CNTNAP5: variants seen among roughly 807,000 people sequenced by gnomAD.
The protein encoded by CNTNAP5 is contactin associated protein family member 5, also known as contactin-associated protein-like 5.
In CNTNAP5, 72 loss-of-function variants were observed where a neutral mutation model predicts 150.2. The ratio of observed to expected loss-of-function variants is 0.48; its 90% CI spans 0.40 to 0.58. The LOEUF (loss-of-function observed/expected upper bound fraction) is 0.58. Among genes scored for constraint, CNTNAP5 ranks in the 20% least tolerant of loss-of-function variants. CNTNAP5 has a pLI of 0.00. For synonymous variants in CNTNAP5, 672 were observed against 619.8 expected, an observed-to-expected ratio of 1.08 and a Z score of -1.25; for missense variants, 1,636 against 1,626.2, an observed-to-expected ratio of 1.01 and a Z score of -0.10.
chr2:124,464,914 T>C (rs917625673), intron 6 of CNTNAP5, among the ~76,000 whole-genome samples: 5 of 152,176 alleles, frequency 3.3e-5, no homozygotes, highest in African/African-American at 7.2e-5. Context: ...ATCCTTTTTT[T>C]ATACCTGTTT....
At chr2:124,091,302 T>G (rs1682807580) in intron 1 of CNTNAP5, among the ~76,000 whole-genome samples, 1 of 152,086 alleles carries the variant, frequency 6.6e-6, no homozygotes, top group African/African-American at 2.4e-5. Flanking sequence ...AGGCCTGAAT[T>G]TAGTTAACTA....
At chr2:124,448,176 G>A (rs1344309237) in intron 6 of CNTNAP5, among the ~76,000 whole-genome samples, 1 of 151,974 alleles carries the variant, frequency 6.6e-6, no homozygotes, top group Non-Finnish European at 1.5e-5. Context: ...GCTGAGGCAG[G>A]AGAATTGCTT....
chr2:124,831,483 G>A (rs1682715372), intron 19 of CNTNAP5, among the ~76,000 whole-genome samples: 2 of 151,198 alleles, frequency 1.3e-5, no homozygotes, highest in African/African-American at 4.8e-5. Flanking sequence ...TCAAAATGAT[G>A]CATTTTTATG....
intron 3 of CNTNAP5, among the ~76,000 whole-genome samples, chr2:124,249,831 C>G (rs1369595274): frequency 2.6e-5 from 4 of 152,052 alleles, no homozygotes; most frequent in Non-Finnish European, 2.9e-5. Context: ...ACTTTAACAT[C>G]CAGCAAAGTA....
intron 6 of CNTNAP5, among the ~76,000 whole-genome samples, chr2:124,448,664 G>A (rs1031595445): frequency 1.3e-5 from 2 of 152,152 alleles, no homozygotes; most frequent in African/African-American, 4.8e-5. Context: ...TTTATGATGT[G>A]TGAGTTAAGA....
chr2:124,326,474 G>GA (rs1166350360), intron 3 of CNTNAP5, among the ~76,000 whole-genome samples: 7 of 151,932 alleles, frequency 4.6e-5, no homozygotes, highest in Non-Finnish European at 8.8e-5. Flanking sequence ...GCTTGACAGA[G>GA]AAAAAAACAA....
intron 1 of CNTNAP5, among the ~76,000 whole-genome samples, chr2:124,199,678 G>T (rs1445319264): frequency 1.3e-5 from 2 of 152,030 alleles, no homozygotes; most frequent in East Asian, 1.9e-4. Flanking sequence ...TCCTTCCAAC[G>T]AGCTGGGATT....
chr2:124,526,710 T>C (rs1039018968), intron 9 of CNTNAP5, among the ~76,000 whole-genome samples: 2 of 152,188 alleles, frequency 1.3e-5, no homozygotes, highest in Non-Finnish European at 2.9e-5. Flanking sequence ...AAACCCTTAG[T>C]TCCTTCTAAA....
At position 124,697,715 on chromosome 2, in the gene CNTNAP5, C is replaced by T. The variant is rs184693109; in HGVS notation, c.2078-49514C>T. Among the ~76,000 whole-genome samples, 416 of 152,064 alleles carry T rather than the reference C, an allele frequency of 2.7e-3. 1 individual carries two copies. The highest frequency in any genetic ancestry group is 9.5e-3 in the African/African-American group (395 of 41,464). On this transcript the variant is annotated intron_variant, in intron 13 of 23. Transcript: ENST00000682447. ...GCAGGAGTGCCCTCCGGAGTGCAGA[C>T]GCTGCCTGAGCAGAAGCAACACACC...
intron 13 of CNTNAP5, among the ~76,000 whole-genome samples, chr2:124,706,800 G>A (rs1573560684): frequency 5.6e-4 from 5 of 8,954 alleles, no homozygotes; most frequent in Non-Finnish European, 9.6e-4. Flanking sequence ...AGAAGAAGGA[G>A]GAGGAGGAGG....
intron 1 of CNTNAP5, among the ~76,000 whole-genome samples, chr2:124,138,021 G>C (rs371974732): frequency 6.6e-6 from 1 of 152,134 alleles, no homozygotes; most frequent in East Asian, 1.9e-4. Context: ...ACCAAAATTA[G>C]ATTTCCTCAA....
In CNTNAP5 at chr2:124,411,600, G is replaced by T. The variant is rs866268887; in HGVS notation, c.382-5843G>T. 2.3e-3 allele frequency among the ~76,000 whole-genome samples: 289 copies of T among 128,278 alleles called. 2 individuals are homozygous for T. The highest frequency in any genetic ancestry group is 7.6e-3 in the African/African-American group (269 of 35,376). The allele number at this position is 128,278 out of a possible 152,430, so 84.2% of individuals were successfully genotyped here. A position where few individuals can be genotyped will look rare whatever the true frequency, so the allele number is the denominator to read the frequency against. On this transcript the variant is annotated intron_variant, in intron 3 of 23. Transcript: ENST00000682447. ...TACGCAAATCAATAAATGTAATCCAGCATATAAACAGAGCCAAAGACAAAA... is the reference window on the plus strand; with the variant it reads ...TACGCAAATCAATAAATGTAATCCATCATATAAACAGAGCCAAAGACAAAA...
intron 9 of CNTNAP5, 89 bp from the exon 10 acceptor site, chr2:124,527,196 T>C (rs960193036): frequency 1.0e-5 from 11 of 1,098,474 alleles, no homozygotes; most frequent in Non-Finnish European, 1.1e-5. Context: ...ACCAAACTAA[T>C]TAGACCTCAA....
intron 1 of CNTNAP5, among the ~76,000 whole-genome samples, chr2:124,113,230 A>C (rs1318380682): frequency 6.6e-6 from 1 of 152,140 alleles, no homozygotes; most frequent in Non-Finnish European, 1.5e-5. Context: ...CTCCAAATGA[A>C]TGTCAGAAGT....
chr2:124,147,451 G>T (rs951744768), intron 1 of CNTNAP5, among the ~76,000 whole-genome samples: 3 of 152,146 alleles, frequency 2.0e-5, no homozygotes, highest in Non-Finnish European at 4.4e-5. Context: ...TCTGGCTAGG[G>T]TTCTCCACCA....
At chr2:124,059,620 T>TA (rs201670480) in intron 1 of CNTNAP5, among the ~76,000 whole-genome samples, 1 of 149,018 alleles carries the variant, frequency 6.7e-6, no homozygotes, top group Non-Finnish European at 1.5e-5. Flanking sequence ...CTTTTTTTTT[T>TA]AAATTGATTT....
At chr2:124,417,333 G>A (rs371107212) in intron 3 of CNTNAP5, 110 bp from the exon 4 acceptor site, 19 of 1,070,894 alleles carry the variant, frequency 1.8e-5, no homozygotes, top group East Asian at 9.9e-5. Context: ...ATTGAAATAC[G>A]TGAGAAATTA....
In CNTNAP5 at chr2:124,914,405, T is replaced by C; in HGVS notation, c.*117T>C. The C allele has an allele frequency of 1.3e-6, 1 of 769,442 alleles. No homozygotes were observed. The highest frequency in any genetic ancestry group is 2.1e-6 in the Non-Finnish European group (1 of 472,164). The allele number at this position is 769,442 out of a possible 1,614,324, so 47.7% of individuals were successfully genotyped here. On this transcript the variant is annotated 3_prime_UTR_variant, in exon 24 of 24. Transcript: ENST00000682447. ...TATTTTCTGCTTGCCATGTCTTTTC[T>C]GGAACATACTTGCATCCACCACAGC...
chr2:124,454,370 G>A (rs1372730757), intron 6 of CNTNAP5, among the ~76,000 whole-genome samples: 2 of 152,106 alleles, frequency 1.3e-5, no homozygotes, highest in Admixed American at 1.3e-4. Flanking sequence ...AAATATATAT[G>A]CACCTAACTC....
Sources: allele counts gnomAD v4.1 joint callset (sites outside exome capture counted in the v4.1 genomes callset), GRCh38; gene constraint gnomAD v4.1.1; transcripts MANE v1.5; gene names NCBI Gene and HGNC (gene_info 2026-07-23, HGNC 2026-07-21).